DNAJC9: variants seen among roughly 807,000 people sequenced by gnomAD.
The protein encoded by DNAJC9 is dnaJ homolog subfamily C member 9.
In DNAJC9, 18 loss-of-function variants were observed where a neutral mutation model predicts 32.4. The ratio of observed to expected loss-of-function variants is 0.56; its 90% CI spans 0.38 to 0.82. The LOEUF is 0.82. Among genes scored for constraint, DNAJC9 ranks in the 40% least tolerant of loss-of-function variants. The pLI is 0.00. For synonymous variants in DNAJC9, 113 were observed against 122.1 expected, an observed-to-expected ratio of 0.93 and a Z score of 0.49; for missense variants, 310 against 321.8, an observed-to-expected ratio of 0.96 and a Z score of 0.28.
At chr10:73,240,819 A>C, downstream of DNAJC9, 1 of 626,756 alleles carries the variant, frequency 1.6e-6, no homozygotes, top group Non-Finnish European at 2.9e-6. Flanking sequence ...CTACAAAACT[A>C]GTTTACTGCT....
chr10:73,239,934 A>G (rs1227475189), downstream of DNAJC9, among the ~76,000 whole-genome samples: 1 of 152,146 alleles, frequency 6.6e-6, no homozygotes, highest in Admixed American at 6.5e-5. Flanking sequence ...AAATTGAGGG[A>G]TGTCTTTTTT....
At chr10:73,235,407 C>T (rs1589195669), downstream of DNAJC9, 2 of 1,524,954 alleles carry the variant, frequency 1.3e-6, no homozygotes, top group East Asian at 2.5e-5. Context: ...AAGATTTTAT[C>T]TAGAGGCTTA....
chr10:73,246,536 G>A, intron 2 of DNAJC9, 152 bp downstream of exon 2: 1 of 863,220 alleles, frequency 1.2e-6, no homozygotes, highest in Admixed American at 2.6e-5. Context: ...GCCCGTTTCA[G>A]TAAGCGTGCG....
In DNAJC9 at chr10:73,246,140, A is replaced by C; in HGVS notation, c.358T>G (p.Tyr120Asp). ...LEDIQAFEKT[Y>D]KGSEEELADI... The stretch of plus-strand genomic sequence containing the variant: ...GCCAGCTCTTCTTCCGAACCTTTGT[A>C]TGTCTTTTCAAAAGCTTGAATGTCC... The change falls in exon 3 of 5, where the codon TAC becomes GAC. Residue 120 changes from tyrosine (Y) to aspartate (D), a missense_variant. Physicochemically the swap from Tyr to Asp is radical, Grantham distance 160. Transcript: ENST00000372950. 6.2e-7 allele frequency: 1 copy of C among 1,613,316 alleles called. No homozygotes were observed. Among genetic ancestry groups the C allele is most frequent in the Non-Finnish European group, 8.5e-7 (1 of 1,179,816 alleles).
downstream of DNAJC9, among the ~76,000 whole-genome samples, chr10:73,233,820 A>T (rs1346430529): frequency 6.6e-6 from 1 of 152,150 alleles, no homozygotes; most frequent in African/African-American, 2.4e-5. Context: ...AGTGAAATTC[A>T]CTCCAAAATA....
intron 2 of DNAJC9, among the ~76,000 whole-genome samples, chr10:73,246,460 C>T (rs896175224): frequency 3.9e-5 from 6 of 152,022 alleles, no homozygotes; most frequent in African/African-American, 1.2e-4. Context: ...TAAAATAAAG[C>T]GCATCCGGCA....
At chr10:73,237,522 C>A (rs1312355454), downstream of DNAJC9, among the ~76,000 whole-genome samples, 1 of 151,414 alleles carries the variant, frequency 6.6e-6, no homozygotes, top group Non-Finnish European at 1.5e-5. Flanking sequence ...TGGGTTCAAT[C>A]GATTCTCCTG....
intron 2 of DNAJC9, chr10:73,232,962 T>C (rs2043741267): frequency 6.4e-7 from 1 of 1,550,980 alleles, no homozygotes. Flanking sequence ...AAGCTACTTA[T>C]GAGGCCTGGG....
At chr10:73,234,697 C>A, downstream of DNAJC9, 1 of 1,058,156 alleles carries the variant, frequency 9.5e-7, no homozygotes, top group Non-Finnish European at 1.3e-6. Flanking sequence ...ACATAGGTAG[C>A]CTAAAGCTTT....
intron 2 of DNAJC9, among the ~76,000 whole-genome samples, chr10:73,232,709 T>C (rs2043733737): frequency 6.6e-6 from 1 of 152,246 alleles, no homozygotes; most frequent in South Asian, 2.1e-4. Flanking sequence ...CAAATGTCCA[T>C]TCTAGTAAAT....
In DNAJC9 at chr10:73,247,200, G is replaced by C; in HGVS notation, c.-11C>G. 6.3e-7 allele frequency: 1 copy of C among 1,585,344 alleles called. No individual in the cohort carries two copies. The highest frequency in any genetic ancestry group is 8.6e-7 in the Non-Finnish European group (1 of 1,167,006). On this transcript the variant is annotated 5_prime_UTR_variant, in exon 1 of 5. It adds an upstream start codon to the 5' untranslated region. Transcript: ENST00000372950. ...GTCCAGCAGCCCCATGCCGGGCGGAGATACGACCCCGGAGGAAGCAGCCGC... is the reference window on the plus strand; with the variant it reads ...GTCCAGCAGCCCCATGCCGGGCGGACATACGACCCCGGAGGAAGCAGCCGC...
In DNAJC9 at chr10:73,243,404, T is replaced by A; in HGVS notation, c.779A>T (p.Lys260Ile). ...CCTTTGAAGAGAAAAATTCCATTAT[T>A]TCTTTTCTTTCTTGAGAGCAGATTT... ...GKKSALKKEK[K>I] The change falls in exon 5 of 5, where the codon AAA becomes ATA. Residue 260 changes from lysine (K) to isoleucine (I), a missense_variant. Lys to Ile is a moderately radical substitution (Grantham distance 102). Coordinates refer to ENST00000372950, the MANE Select transcript of DNAJC9 (RefSeq NM_015190.5). 6.2e-7 allele frequency: 1 copy of A among 1,613,806 alleles called. No homozygotes were observed. Among genetic ancestry groups the A allele is most frequent in the South Asian group, 1.1e-5 (1 of 91,074 alleles).
chr10:73,234,593 T>G, downstream of DNAJC9: 1 of 503,716 alleles, frequency 2.0e-6, no homozygotes, highest in South Asian at 2.4e-5. Flanking sequence ...GGCCAGCTTC[T>G]GTTGTGTACC....
rs1249117781 is a variant in DNAJC9, at chr10:73,243,486, T to C, written c.697A>G (p.Asn233Asp). The C allele has an allele frequency of 6.2e-7, 1 of 1,614,166 alleles. No homozygotes were observed. The highest frequency in any genetic ancestry group is 1.1e-5 in the South Asian group (1 of 91,090). ...TTTGCTTCCATCTGAGCCAGAAAAT[T>C]GTCCATTTCCTTTTGCCGATCCTTT... ...RQKDRQKEMD[N>D]FLAQMEAKYC... The change falls in exon 5 of 5, where the codon AAT becomes GAT. Residue 233 changes from asparagine (N) to aspartate (D), a missense_variant. By Grantham distance (23) the Asn-to-Asp change is conservative (BLOSUM62 1). Transcript: ENST00000372950.
rs2133430988 is a variant in DNAJC9, at chr10:73,246,746, G to A, written c.263C>T (p.Ser88Phe). 1.2e-6 allele frequency: 2 copies of A among 1,614,074 alleles called. No individual in the cohort carries two copies. The highest frequency in any genetic ancestry group is 1.7e-6 in the Non-Finnish European group (2 of 1,179,962). ...GTCTCGGTCTTGGGTGAGCACAGGA[G>A]AGTCCTCGTCCACTGTTCCCTGCTC... ...YDEQGTVDED[S>F]PVLTQDRDWE... is the part of the protein sequence containing the mutation. The change falls in exon 2 of 5, where the codon TCT becomes TTT. Residue 88 changes from serine (S) to phenylalanine (F), a missense_variant. By Grantham distance (155) the Ser-to-Phe change is radical. Coordinates refer to ENST00000372950, the MANE Select transcript of DNAJC9 (RefSeq NM_015190.5).
downstream of DNAJC9, chr10:73,234,899 G>T: frequency 5.2e-6 from 8 of 1,552,018 alleles, no homozygotes; most frequent in Non-Finnish European, 7.0e-6. Context: ...TGGCACAGCT[G>T]AAGTGGAACA....
downstream of DNAJC9, chr10:73,241,354 G>A (rs746299354): frequency 1.7e-5 from 5 of 298,510 alleles, no homozygotes; most frequent in Non-Finnish European, 3.2e-5. Context: ...AGGATTTGAT[G>A]AGCTCACACA....
chr10:73,236,459 G>A (rs963142312), downstream of DNAJC9, among the ~76,000 whole-genome samples: 2 of 150,748 alleles, frequency 1.3e-5, no homozygotes, highest in Non-Finnish European at 3.0e-5. Flanking sequence ...TGTCACCTAG[G>A]GTGGAGTGTA....
At chr10:73,240,714 CAA>C (rs55812252), downstream of DNAJC9, among the ~76,000 whole-genome samples, 12 of 106,880 alleles carry the variant, frequency 1.1e-4, no homozygotes, top group South Asian at 9.6e-4. Flanking sequence ...ACTCCACCTC[CAA>C]AAAAAAAAAA....
Sources: allele counts gnomAD v4.1 joint callset (sites outside exome capture counted in the v4.1 genomes callset), GRCh38; gene constraint gnomAD v4.1.1; transcripts MANE v1.5; gene names NCBI Gene and HGNC (gene_info 2026-07-23, HGNC 2026-07-21).